The following DDX46 variants were observed in gnomAD, a reference collection of about 807,000 sequenced individuals.
DDX46 encodes probable ATP-dependent RNA helicase DDX46.
A neutral mutation model predicts 134.9 loss-of-function variants in DDX46; 30 were observed. That is an observed-to-expected ratio of 0.22 (90% CI 0.17 to 0.30). The LOEUF (loss-of-function observed/expected upper bound fraction) is 0.30. DDX46 is among the 10% of genes least tolerant of loss of function. DDX46 has a pLI of 1.00. For synonymous variants in DDX46, 415 were observed against 404.1 expected, an observed-to-expected ratio of 1.03 and a Z score of -0.32; for missense variants, 622 against 1,248.7, an observed-to-expected ratio of 0.50 and a Z score of 7.56.
chr5:134,816,648 G>C, intron 19 of DDX46, 42 bp downstream of exon 19: 1 of 1,575,786 alleles, frequency 6.3e-7, no homozygotes. Context: ...CTTTTAAGAA[G>C]TTCTTTGATT....
intron 1 of DDX46, among the ~76,000 whole-genome samples, chr5:134,761,009 G>A (rs545093646): frequency 1.1e-3 from 171 of 151,914 alleles, no homozygotes; most frequent in African/African-American, 4.1e-3. Context: ...GATTACAGGC[G>A]TGAGCCACCG....
chr5:134,773,043 T>C (rs1753822362), intron 4 of DDX46, among the ~76,000 whole-genome samples: 1 of 152,004 alleles, frequency 6.6e-6, no homozygotes, highest in African/African-American at 2.4e-5. Flanking sequence ...CAAGGGATCC[T>C]CCAGCCTCAG....
At chr5:134,797,236 C>A in intron 15 of DDX46, 1 of 229,512 alleles carries the variant, frequency 4.4e-6, no homozygotes, top group Non-Finnish European at 8.5e-6. Flanking sequence ...GAATTATTCT[C>A]ATTAACTAAG....
rs1409417216 is a variant in DDX46 at position 134,785,467 on chromosome 5, G to A, written c.1345G>A (p.Val449Ile). The A allele has an allele frequency of 6.2e-7, 1 of 1,612,576 alleles. No homozygotes were observed. The highest frequency in any genetic ancestry group is 8.5e-7 in the Non-Finnish European group (1 of 1,179,474). Reference sequence around the variant, plus strand: ...TACTGATGTATTTATCTTTCCAGCTGTCATCATGACTCCAACTCGAGAACT... The same window carrying A: ...TACTGATGTATTTATCTTTCCAGCTATCATCATGACTCCAACTCGAGAACT... ...SLEEGEGPIAVIMTPTRELAL... is the reference protein window; with the variant it reads ...SLEEGEGPIAIIMTPTRELAL... Residue 449 changes from valine to isoleucine, a missense_variant and splice_region_variant, in exon 11 of 23, where the codon GTC becomes ATC. Transcript: ENST00000452510.
intron 15 of DDX46, among the ~76,000 whole-genome samples, chr5:134,803,903 G>GTGA (rs1282917457): frequency 6.8e-6 from 1 of 147,908 alleles, no homozygotes; most frequent in Non-Finnish European, 1.5e-5. Context: ...AGAATGACAA[G>GTGA]TGATGATGAT....
intron 19 of DDX46, chr5:134,816,844 G>T: frequency 2.1e-6 from 1 of 473,158 alleles, no homozygotes; most frequent in Admixed American, 4.0e-5. Context: ...TAGTTTTATA[G>T]GGTAGTATTC....
intron 11 of DDX46, among the ~76,000 whole-genome samples, chr5:134,787,472 C>G (rs1247947216): frequency 6.6e-6 from 1 of 152,150 alleles, no homozygotes; most frequent in Non-Finnish European, 1.5e-5. Flanking sequence ...TTTCTTAGGA[C>G]TATTGTTACA....
chr5:134,773,961 T>C (rs1753855292), intron 5 of DDX46, 100 bp downstream of exon 5: 3 of 1,153,228 alleles, frequency 2.6e-6, no homozygotes, highest in South Asian at 4.4e-5. Flanking sequence ...TGTTGAAAAC[T>C]ATGCATAATA....
intron 22 of DDX46, among the ~76,000 whole-genome samples, chr5:134,827,401 A>G (rs1398553714): frequency 1.3e-5 from 2 of 151,686 alleles, no homozygotes; most frequent in East Asian, 1.9e-4. Flanking sequence ...CAGCCTCCTG[A>G]GTAGCTGGGA....
intron 12 of DDX46, 65 bp from the exon 13 acceptor site, chr5:134,790,405 G>A (rs1754467145): frequency 1.4e-6 from 2 of 1,424,744 alleles, no homozygotes; most frequent in Non-Finnish European, 1.9e-6. Flanking sequence ...GTTCTTGGTA[G>A]CCATAAAATG....
chr5:134,825,626 T>C (rs1403974198), intron 21 of DDX46, among the ~76,000 whole-genome samples: 2 of 152,226 alleles, frequency 1.3e-5, no homozygotes, highest in East Asian at 1.9e-4. Flanking sequence ...TTCTTAGACA[T>C]TTCAATCTTT....
intron 15 of DDX46, among the ~76,000 whole-genome samples, chr5:134,802,539 C>T (rs1754864886): frequency 6.6e-6 from 1 of 151,552 alleles, no homozygotes; most frequent in Admixed American, 6.6e-5. Context: ...TCTGTTAAGC[C>T]CATCTAGTGA....
At chr5:134,822,987 TACTG>T (rs1192422146) in intron 21 of DDX46, among the ~76,000 whole-genome samples, 3 of 152,148 alleles carry the variant, frequency 2.0e-5, no homozygotes, top group Admixed American at 1.3e-4. Context: ...CTAAAAATAA[TACTG>T]ACTTTTATAT....
intron 15 of DDX46, among the ~76,000 whole-genome samples, chr5:134,797,475 C>T (rs1754701047): frequency 6.6e-6 from 1 of 152,174 alleles, no homozygotes; most frequent in Non-Finnish European, 1.5e-5. Flanking sequence ...CTCAGTTAGA[C>T]CTTGGTCATG....
intron 4 of DDX46, among the ~76,000 whole-genome samples, chr5:134,773,429 A>G (rs1753835486): frequency 6.6e-6 from 1 of 152,198 alleles, no homozygotes; most frequent in Admixed American, 6.5e-5. Context: ...TGTAAGTAAA[A>G]TGAGATTGAT....
chr5:134,787,821 G>A (rs2150144538), intron 11 of DDX46, among the ~76,000 whole-genome samples: 1 of 151,590 alleles, frequency 6.6e-6, no homozygotes, highest in East Asian at 2.0e-4. Context: ...ACCAGCCTGG[G>A]CAATGTAGTG....
intron 3 of DDX46, among the ~76,000 whole-genome samples, chr5:134,768,402 G>T (rs570404141): frequency 6.6e-6 from 1 of 151,386 alleles, no homozygotes; most frequent in South Asian, 2.1e-4. Flanking sequence ...GAGCCACCGT[G>T]CCTGGCCAGA....
At chr5:134,761,284 C>G (rs1753377114) in intron 1 of DDX46, among the ~76,000 whole-genome samples, 1 of 152,206 alleles carries the variant, frequency 6.6e-6, no homozygotes. Flanking sequence ...CTTGGCCTGC[C>G]AAAATGCTGG....
intron 18 of DDX46, among the ~76,000 whole-genome samples, chr5:134,813,190 G>GT (rs770741040): frequency 6.6e-6 from 1 of 152,242 alleles, no homozygotes; most frequent in East Asian, 1.9e-4. Context: ...TGATCCGCCT[G>GT]CCTCGGCCTC....
Sources: gnomAD v4.1 joint callset for allele counts (sites outside exome capture counted in the v4.1 genomes callset) on GRCh38, gnomAD v4.1.1 for gene constraint, MANE v1.5 for transcripts, NCBI Gene and HGNC (gene_info 2026-07-23, HGNC 2026-07-21) for gene names.